Variants in LIN52 observed in about 807,000 individuals in gnomAD.
The protein encoded by LIN52 is lin-52 DREAM MuvB core complex component, also known as protein lin-52 homolog.
LIN52 carries 4 observed loss-of-function variants against 18.5 expected under a neutral mutation model. The ratio of observed to expected loss-of-function variants is 0.22; its 90% CI spans 0.11 to 0.49. LIN52 has a LOEUF of 0.49. Ranked by LOEUF, LIN52 falls within the 20% of genes least tolerant of loss-of-function variation. LIN52 has a pLI of 0.97. For missense variants in LIN52, 102 were observed against 139.5 expected (o/e 0.73, Z 1.35); for synonymous variants, 34 against 45.5 (o/e 0.75, Z 1.02).
intron 5 of LIN52, among the ~76,000 whole-genome samples, chr14:74,149,135 G>T (rs1481840043): frequency 6.6e-6 from 1 of 152,148 alleles, no homozygotes; most frequent in Non-Finnish European, 1.5e-5. Flanking sequence ...GAAGTAGTTG[G>T]TTACTATTGC....
intron 5 of LIN52, among the ~76,000 whole-genome samples, chr14:74,149,188 T>G (rs2061165823): frequency 6.6e-6 from 1 of 152,166 alleles, no homozygotes; most frequent in African/African-American, 2.4e-5. Flanking sequence ...TTGGAAAGAT[T>G]AGGCAGCATG....
At chr14:74,161,212 A>G (rs2061223092) in intron 5 of LIN52, among the ~76,000 whole-genome samples, 1 of 152,138 alleles carries the variant, frequency 6.6e-6, no homozygotes. Flanking sequence ...TTTATGACAG[A>G]GTCTCACTCT....
intron 5 of LIN52, among the ~76,000 whole-genome samples, chr14:74,143,921 T>A (rs934335121): frequency 5.3e-5 from 8 of 152,058 alleles, no homozygotes; most frequent in Non-Finnish European, 1.2e-4. Flanking sequence ...ACTTTCCTCA[T>A]CCTCCTCCCC....
chr14:74,096,237 T>C (rs2060811776), intron 3 of LIN52, among the ~76,000 whole-genome samples: 1 of 152,074 alleles, frequency 6.6e-6, no homozygotes, highest in Admixed American at 6.6e-5. Flanking sequence ...ATTTTTGTAT[T>C]TTTAGTAGAG....
chr14:74,197,942 C>T (rs943987935), intron 5 of LIN52, among the ~76,000 whole-genome samples: 2 of 152,210 alleles, frequency 1.3e-5, no homozygotes, highest in Admixed American at 6.5e-5. Context: ...TCCCTAGCCA[C>T]CTCACTTCTT....
chr14:74,085,013 TCTTTGCCTGCAGCCTC>T lies in LIN52; in HGVS notation c.19+24_19+39del. On this transcript the variant is annotated intron_variant, in intron 1 of 5. Transcript: ENST00000555028. ...CAGACGGTAAGAGCCGGCTTAGAGA[TCTTTGCCTGCAGCCTC>T]CTTCTTTGCTCTACTGGGAACATCC... 7.3e-7 allele frequency: 1 copy of T among 1,377,818 alleles called. No homozygotes were observed. Among genetic ancestry groups the T allele is most frequent in the Non-Finnish European group, 9.5e-7 (1 of 1,057,258 alleles). 85.3% of individuals were successfully genotyped at this position (1,377,818 alleles called of 1,614,324 possible). A position where few individuals can be genotyped will look rare whatever the true frequency, so the allele number is the denominator to read the frequency against.
intron 5 of LIN52, among the ~76,000 whole-genome samples, chr14:74,116,978 G>T (rs2060969161): frequency 6.6e-6 from 1 of 151,458 alleles, no homozygotes; most frequent in South Asian, 2.1e-4. Context: ...CTGTTGAATA[G>T]GAAAAAAATA....
At chr14:74,156,991 G>A (rs369163038) in intron 5 of LIN52, among the ~76,000 whole-genome samples, 1 of 150,706 alleles carries the variant, frequency 6.6e-6, no homozygotes, top group South Asian at 2.1e-4. Context: ...CTTTTGTATG[G>A]CTAAGTAGTA....
chr14:74,143,323 G>A (rs1472092342), intron 5 of LIN52, among the ~76,000 whole-genome samples: 1 of 152,128 alleles, frequency 6.6e-6, no homozygotes, highest in East Asian at 1.9e-4. Flanking sequence ...GCCAAGGTGG[G>A]AGGATCACTT....
intron 5 of LIN52, among the ~76,000 whole-genome samples, chr14:74,132,795 C>A (rs1331461744): frequency 6.6e-6 from 1 of 152,200 alleles, no homozygotes; most frequent in Non-Finnish European, 1.5e-5. Flanking sequence ...GCGTGAGCCA[C>A]CGCGCCCAGC....
intron 5 of LIN52, among the ~76,000 whole-genome samples, chr14:74,155,297 C>A (rs2061194807): frequency 6.6e-6 from 1 of 152,158 alleles, no homozygotes. Context: ...CTAATCAGGG[C>A]AGGCTGATAA....
intron 2 of LIN52, among the ~76,000 whole-genome samples, chr14:74,094,626 A>C (rs867960833): frequency 6.6e-6 from 1 of 152,188 alleles, no homozygotes. Context: ...CTTCATATAC[A>C]TGGAAGAGGA....
At chr14:74,191,887 G>A (rs2078879279) in intron 5 of LIN52, among the ~76,000 whole-genome samples, 1 of 151,986 alleles carries the variant, frequency 6.6e-6, no homozygotes, top group Non-Finnish European at 1.5e-5. Context: ...TGCCCACCTC[G>A]GCCTTCCAAA....
chr14:74,106,286 G>C (rs996953822), intron 5 of LIN52, among the ~76,000 whole-genome samples: 2 of 150,936 alleles, frequency 1.3e-5, no homozygotes, highest in African/African-American at 4.8e-5. Context: ...TTTTGTGTTT[G>C]TTTTTTTGAG....
intron 1 of LIN52, among the ~76,000 whole-genome samples, chr14:74,087,630 C>T (rs776697239): frequency 6.6e-6 from 1 of 151,958 alleles, no homozygotes; most frequent in Non-Finnish European, 1.5e-5. Flanking sequence ...CAAAATATTC[C>T]ACGGCCTAGC....
At chr14:74,179,562 G>A (rs148641001) in intron 5 of LIN52, among the ~76,000 whole-genome samples, 4,407 of 151,620 alleles carry the variant, frequency 0.029, 216 homozygotes, top group African/African-American at 0.1. Flanking sequence ...GGGAGGCTGC[G>A]GCAGAATCGC....
At chr14:74,130,277 G>GTTTTTTTTTT (rs371965343) in intron 5 of LIN52, among the ~76,000 whole-genome samples, 4 of 46,416 alleles carry the variant, frequency 8.6e-5, no homozygotes, top group Admixed American at 3.1e-4. Context: ...GGCATTTTTT[G>GTTTTTTTTTT]GTTTTTTTTT....
At chr14:74,115,009 G>A (rs1481291152) in intron 5 of LIN52, among the ~76,000 whole-genome samples, 1 of 152,116 alleles carries the variant, frequency 6.6e-6, no homozygotes, top group Non-Finnish European at 1.5e-5. Context: ...CTATACAGTA[G>A]ACATCCAATT....
At chr14:74,099,705 A>G (rs2060840771) in intron 4 of LIN52, among the ~76,000 whole-genome samples, 1 of 151,180 alleles carries the variant, frequency 6.6e-6, no homozygotes, top group African/African-American at 2.4e-5. Flanking sequence ...GGTTGGGGGG[A>G]CAGTGAGTTG....
Sources: gnomAD v4.1 joint callset for allele counts (sites outside exome capture counted in the v4.1 genomes callset) on GRCh38, gnomAD v4.1.1 for gene constraint, MANE v1.5 for transcripts, NCBI Gene and HGNC (gene_info 2026-07-23, HGNC 2026-07-21) for gene names.